NBEA: variants seen among roughly 807,000 people sequenced by gnomAD.
The protein encoded by NBEA is lysosomal-trafficking regulator 2.
Under a neutral mutation model 343.4 loss-of-function variants are expected in NBEA, and 44 were observed. The ratio of observed to expected loss-of-function variants is 0.13; its 90% CI spans 0.10 to 0.16. NBEA has a LOEUF of 0.16. Ranked by LOEUF, NBEA falls within the 10% of genes least tolerant of loss-of-function variation. The pLI is 1.00. For missense variants in NBEA, 2,555 were observed against 3,631.3 expected, an observed-to-expected ratio of 0.70 and a Z score of 7.62; for synonymous variants, 1,175 against 1,238.7, an observed-to-expected ratio of 0.95 and a Z score of 1.08.
chr13:35,091,279 C>T (rs1463199538), intron 10 of NBEA, among the ~76,000 whole-genome samples: 1 of 151,852 alleles, frequency 6.6e-6, no homozygotes, highest in Non-Finnish European at 1.5e-5. Context: ...AAACTAAAGC[C>T]CCAGCGTTTT....
chr13:35,443,053 T>G (rs1323287387), intron 39 of NBEA, among the ~76,000 whole-genome samples: 1 of 152,068 alleles, frequency 6.6e-6, no homozygotes, highest in East Asian at 1.9e-4. Context: ...TTTCTTAAAT[T>G]CCAATCAATT....
chr13:35,389,351 T>C (rs951580662), intron 38 of NBEA, among the ~76,000 whole-genome samples: 60 of 152,292 alleles, frequency 3.9e-4, no homozygotes, highest in Non-Finnish European at 6.2e-4. Context: ...CTCATCATTA[T>C]GCAGTTTTCT....
intron 1 of NBEA, among the ~76,000 whole-genome samples, chr13:34,977,337 C>T: frequency 6.7e-6 from 1 of 148,346 alleles, no homozygotes; most frequent in Non-Finnish European, 1.5e-5. Context: ...GAGATGGAGT[C>T]TGTCTCTGTC....
At chr13:35,545,782 C>G (rs530992499) in intron 41 of NBEA, among the ~76,000 whole-genome samples, 1 of 152,112 alleles carries the variant, frequency 6.6e-6, no homozygotes, top group Non-Finnish European at 1.5e-5. Context: ...TGGATCTAAT[C>G]CAGTCGAAAG....
intron 1 of NBEA, among the ~76,000 whole-genome samples, chr13:35,029,849 C>A (rs2062142726): frequency 6.6e-6 from 1 of 151,604 alleles, no homozygotes; most frequent in East Asian, 1.9e-4. Context: ...AAAGTTACTG[C>A]AGTTTAAAAA....
At chr13:35,305,023 A>G (rs2036802934) in intron 35 of NBEA, among the ~76,000 whole-genome samples, 1 of 152,174 alleles carries the variant, frequency 6.6e-6, no homozygotes, top group African/African-American at 2.4e-5. Flanking sequence ...TATGGGGGAA[A>G]GTTTCTGCTT....
chr13:35,007,082 AT>A (rs11308753), intron 1 of NBEA, among the ~76,000 whole-genome samples: 146,394 of 151,836 alleles, frequency 0.96, 70,653 homozygotes, highest in Non-Finnish European at 0.99. Context: ...TGTAGATGTG[AT>A]TTTTTTTTTG....
chr13:35,579,747 C>T (rs1302788024), intron 45 of NBEA, among the ~76,000 whole-genome samples: 2 of 152,068 alleles, frequency 1.3e-5, no homozygotes, highest in African/African-American at 2.4e-5. Flanking sequence ...CGTAAATCCC[C>T]ACAAACATCT....
chr13:35,033,665 CCTCTT>C (rs1280216360), intron 1 of NBEA, among the ~76,000 whole-genome samples: 4 of 151,674 alleles, frequency 2.6e-5, no homozygotes, highest in African/African-American at 7.2e-5. Flanking sequence ...TTTTGGGTGT[CCTCTT>C]CAATTTATTT....
intron 5 of NBEA, among the ~76,000 whole-genome samples, chr13:35,049,476 C>A (rs950682790): frequency 3.3e-5 from 5 of 151,694 alleles, no homozygotes; most frequent in African/African-American, 1.2e-4. Flanking sequence ...ATTTAAAGCT[C>A]TTTGTATAAT....
chr13:35,146,066 A>T (rs1487655488), intron 18 of NBEA, among the ~76,000 whole-genome samples: 1 of 152,160 alleles, frequency 6.6e-6, no homozygotes, highest in African/African-American at 2.4e-5. Context: ...TCTTGGTCTC[A>T]TACTTGTGGT....
chr13:35,554,601 T>C (rs1245114446), intron 43 of NBEA, among the ~76,000 whole-genome samples: 1 of 152,250 alleles, frequency 6.6e-6, no homozygotes, highest in African/African-American at 2.4e-5. Context: ...TTAAGTCAAA[T>C]GCATGTAAAC....
intron 21 of NBEA, among the ~76,000 whole-genome samples, chr13:35,157,978 A>G (rs1377168765): frequency 6.6e-6 from 1 of 152,144 alleles, no homozygotes; most frequent in Admixed American, 6.6e-5. Context: ...AAAAGGATAG[A>G]TAGTAAATAT....
At chr13:35,353,400 A>G (rs1229947717) in intron 38 of NBEA, among the ~76,000 whole-genome samples, 3 of 151,878 alleles carry the variant, frequency 2.0e-5, no homozygotes, top group Non-Finnish European at 2.9e-5. Flanking sequence ...GTGCCACAGA[A>G]CTCCAGCCTG....
chr13:35,563,148 T>TAGAG (rs374787720), intron 44 of NBEA, among the ~76,000 whole-genome samples: 1 of 101,372 alleles, frequency 9.9e-6, no homozygotes, highest in Non-Finnish European at 2.6e-5. Context: ...GATAGATAGA[T>TAGAG]AGATAGATAG....
chr13:35,250,529 AT>A (rs2031831248), intron 34 of NBEA, among the ~76,000 whole-genome samples: 2 of 152,180 alleles, frequency 1.3e-5, no homozygotes, highest in African/African-American at 4.8e-5. Flanking sequence ...CTTAAAATCC[AT>A]TTATTAGGAA....
intron 10 of NBEA, among the ~76,000 whole-genome samples, chr13:35,096,787 T>C (rs1334670687): frequency 6.6e-6 from 1 of 151,966 alleles, no homozygotes; most frequent in Non-Finnish European, 1.5e-5. Flanking sequence ...ATTCGTGAAG[T>C]GGCCTTGACT....
intron 23 of NBEA, among the ~76,000 whole-genome samples, chr13:35,163,354 C>A (rs2069719867): frequency 6.6e-6 from 1 of 150,892 alleles, no homozygotes; most frequent in Admixed American, 6.6e-5. Context: ...TATTTTTTTC[C>A]CATTAAAAAA....
intron 45 of NBEA, 42 bp from the exon 46 acceptor site, chr13:35,583,855 TA>T: frequency 1.4e-6 from 2 of 1,438,142 alleles, no homozygotes; most frequent in Non-Finnish European, 1.9e-6. Context: ...CTAGGATATC[TA>T]ATATGACTGT....
Sources: allele counts gnomAD v4.1 joint callset (sites outside exome capture counted in the v4.1 genomes callset), GRCh38; gene constraint gnomAD v4.1.1; transcripts MANE v1.5; gene names NCBI Gene and HGNC (gene_info 2026-07-23, HGNC 2026-07-21).